GRIP1: variants seen among roughly 807,000 people sequenced by gnomAD.
GRIP1 encodes glutamate receptor-interacting protein 1.
GRIP1 carries 45 observed loss-of-function variants against 129.9 expected under a neutral mutation model. That is an observed-to-expected ratio of 0.35 (90% confidence interval 0.27 to 0.44). The LOEUF is 0.44. GRIP1 is among the 20% of genes least tolerant of loss of function. The pLI is 1.00. For missense variants in GRIP1, 1,196 were observed against 1,396.8 expected (o/e 0.86, Z 2.29); for synonymous variants, 530 against 520.8 (o/e 1.02, Z -0.24).
chr12:66,975,825 G>A (rs1300215859), intron 1 of GRIP1, among the ~76,000 whole-genome samples: 2 of 152,156 alleles, frequency 1.3e-5, no homozygotes, highest in African/African-American at 4.8e-5. Context: ...AGTAGTCAAT[G>A]GACACAGATG....
In GRIP1 at chr12:66,588,805, C is replaced by G. The variant is rs144018526; in HGVS notation, c.136+8042G>C. On this transcript the variant is annotated intron_variant, in intron 2 of 24. Coordinates refer to ENST00000359742, the MANE Select transcript of GRIP1 (RefSeq NM_001366722.1). ...CCAACATAATGAAACCCCATCTCTA[C>G]TAAAAATACAAAAATTAGCTGGGCA... Among the ~76,000 whole-genome samples the G allele has an allele frequency of 2.0e-3, 302 of 151,646 alleles. 3 individuals carry two copies. In the East Asian group the frequency reaches 0.05, roughly 25 times the overall value.
intron 1 of GRIP1, among the ~76,000 whole-genome samples, chr12:66,641,867 C>A (rs1167545463): frequency 1.3e-5 from 2 of 152,180 alleles, no homozygotes; most frequent in Admixed American, 6.5e-5. Flanking sequence ...TAGAAATAAG[C>A]ATCACCTTAA....
At chr12:66,878,278 ATAG>A (rs1267031240) in intron 1 of GRIP1, among the ~76,000 whole-genome samples, 1 of 152,084 alleles carries the variant, frequency 6.6e-6, no homozygotes, top group Non-Finnish European at 1.5e-5. Flanking sequence ...TATAAGAGAG[ATAG>A]TAAGTGCTAA....
intron 1 of GRIP1, among the ~76,000 whole-genome samples, chr12:67,008,905 A>G (rs1215722186): frequency 9.4e-6 from 1 of 106,378 alleles, no homozygotes; most frequent in African/African-American, 3.9e-5. Context: ...AAAGTATCTG[A>G]TCCCTTCCTT....
In GRIP1 at chr12:66,626,230, CTTGG is replaced by C. The variant is rs1170583475; in HGVS notation, c.56-29307_56-29304del. On this transcript the variant is annotated intron_variant, in intron 1 of 24. Coordinates refer to ENST00000359742, the MANE Select transcript of GRIP1 (RefSeq NM_001366722.1). Reference sequence around the variant, plus strand: ...TGGCGTGCACCTGTGCTCCCAGCTACTTGGGAGGCTGAGGTGGGTGAATTGCTTG... The same window carrying C: ...TGGCGTGCACCTGTGCTCCCAGCTACGAGGCTGAGGTGGGTGAATTGCTTG... Among the ~76,000 whole-genome samples the C allele has an allele frequency of 5.7e-4, 87 of 151,872 alleles. 2 individuals carry two copies. In the South Asian group the frequency reaches 0.011, roughly 19 times the overall value.
chr12:66,528,140 T>TTTTTTGTTTTG (rs1408723643), intron 5 of GRIP1, among the ~76,000 whole-genome samples: 1 of 115,556 alleles, frequency 8.7e-6, no homozygotes, highest in Non-Finnish European at 1.8e-5. Context: ...GTAGGTTTTT[T>TTTTTTGTTTTG]TTTTTTTTTT....
intron 1 of GRIP1, among the ~76,000 whole-genome samples, chr12:66,861,867 T>C (rs2040118175): frequency 6.6e-6 from 1 of 152,130 alleles, no homozygotes; most frequent in Admixed American, 6.6e-5. Context: ...ATAAGTCCTA[T>C]GTAAGTCCTT....
chr12:66,391,612 G>A (rs181981957), intron 19 of GRIP1, among the ~76,000 whole-genome samples: 12 of 152,298 alleles, frequency 7.9e-5, no homozygotes, highest in Middle Eastern at 3.4e-3. Flanking sequence ...AGCACTTTGG[G>A]AGGCCAAGAT....
chr12:66,989,340 GAAT>G (rs894863014), intron 1 of GRIP1, among the ~76,000 whole-genome samples: 1 of 152,204 alleles, frequency 6.6e-6, no homozygotes, highest in Non-Finnish European at 1.5e-5. Context: ...AGTTTTTACT[GAAT>G]GAATGTGGTG....
At chr12:66,472,775 G>A (rs2059476671) in intron 7 of GRIP1, among the ~76,000 whole-genome samples, 1 of 152,194 alleles carries the variant, frequency 6.6e-6, no homozygotes, top group Non-Finnish European at 1.5e-5. Context: ...TGTGCTGTGA[G>A]GAATGGTGCA....
At chr12:66,354,432 A>C (rs1374645463) in intron 23 of GRIP1, among the ~76,000 whole-genome samples, 2 of 152,232 alleles carry the variant, frequency 1.3e-5, no homozygotes, top group Non-Finnish European at 2.9e-5. Flanking sequence ...GAGGAAGAAA[A>C]GCCTGCCTTC....
intron 1 of GRIP1, among the ~76,000 whole-genome samples, chr12:66,850,733 A>C (rs920866946): frequency 3.9e-5 from 6 of 152,012 alleles, no homozygotes; most frequent in Non-Finnish European, 8.8e-5. Context: ...CTGATAAAAA[A>C]GTAAATATAT....
At chr12:66,947,964 T>C (rs1343890177) in intron 1 of GRIP1, among the ~76,000 whole-genome samples, 2 of 152,212 alleles carry the variant, frequency 1.3e-5, no homozygotes, top group Non-Finnish European at 2.9e-5. Context: ...TTAGTTATTT[T>C]CAGAGCCATC....
At chr12:66,611,968 A>T (rs1239480942) in intron 1 of GRIP1, among the ~76,000 whole-genome samples, 1 of 152,198 alleles carries the variant, frequency 6.6e-6, no homozygotes, top group African/African-American at 2.4e-5. Context: ...GTTTTATATC[A>T]TAAAATATTT....
At chr12:66,768,780 A>G (rs1017854506) in intron 1 of GRIP1, among the ~76,000 whole-genome samples, 2 of 152,200 alleles carry the variant, frequency 1.3e-5, no homozygotes, top group African/African-American at 4.8e-5. Context: ...TTTTCACATA[A>G]CAGGGTGAAA....
chr12:66,490,953 A>T (rs1055966573), intron 7 of GRIP1, among the ~76,000 whole-genome samples: 4 of 152,254 alleles, frequency 2.6e-5, no homozygotes, highest in Admixed American at 2.6e-4. Context: ...TAAAAAGTCA[A>T]GAAACAACAG....
At chr12:66,474,993 G>T (rs1028228937) in intron 7 of GRIP1, among the ~76,000 whole-genome samples, 1 of 152,172 alleles carries the variant, frequency 6.6e-6, no homozygotes, top group Non-Finnish European at 1.5e-5. Flanking sequence ...AACCTTAAAT[G>T]TAAATGGGCT....
At chr12:66,532,759 T>A (rs1444571573) in intron 4 of GRIP1, among the ~76,000 whole-genome samples, 1 of 151,632 alleles carries the variant, frequency 6.6e-6, no homozygotes, top group Non-Finnish European at 1.5e-5. Flanking sequence ...TTTCTCCCTC[T>A]CTCCTCCTCC....
intron 1 of GRIP1, among the ~76,000 whole-genome samples, chr12:66,750,191 T>C (rs755839130): frequency 2.0e-5 from 3 of 152,148 alleles, no homozygotes; most frequent in Non-Finnish European, 4.4e-5. Flanking sequence ...TGTCAAGCAT[T>C]TAGGTTTGGG....
Sources: allele counts gnomAD v4.1 joint callset (sites outside exome capture counted in the v4.1 genomes callset), GRCh38; gene constraint gnomAD v4.1.1; transcripts MANE v1.5; gene names NCBI Gene and HGNC (gene_info 2026-07-23, HGNC 2026-07-21).